F2: variants seen among roughly 807,000 people sequenced by gnomAD.
F2 encodes coagulation factor II, thrombin.
F2 carries 34 observed loss-of-function variants against 81.9 expected under a neutral mutation model. That is an observed-to-expected ratio of 0.42 (90% CI 0.32 to 0.55). F2 has a LOEUF of 0.55. F2 is among the 20% of genes least tolerant of loss of function. The pLI is 0.18. For synonymous variants in F2, 296 were observed against 326.4 expected (o/e 0.91, Z 1.01); for missense variants, 630 against 833.4 (o/e 0.76, Z 3.00).
intron 12 of F2, among the ~76,000 whole-genome samples, chr11:46,737,744 A>G (rs930046982): frequency 2.6e-5 from 4 of 151,542 alleles, no homozygotes; most frequent in Non-Finnish European, 5.9e-5. Flanking sequence ...GGCCAGGCCT[A>G]TTATTTTTCT....
In F2 at chr11:46,739,488, T is replaced by C; in HGVS notation, c.*80T>C. 1.9e-6 allele frequency: 3 copies of C among 1,582,554 alleles called. No individual in the cohort carries two copies. Among genetic ancestry groups the C allele is most frequent in the Non-Finnish European group, 2.6e-6 (3 of 1,157,852 alleles). The stretch of plus-strand genomic sequence containing the variant: ...GTGTTTCTAAAACTATGGTTCCCAA[T>C]AAAAGTGACTCTCAGCGAGCCTCAA... On this transcript the variant is annotated 3_prime_UTR_variant, in exon 14 of 14. Transcript: ENST00000311907.
intron 12 of F2, among the ~76,000 whole-genome samples, chr11:46,738,702 G>A (rs752549308): frequency 2.6e-5 from 4 of 152,200 alleles, no homozygotes; most frequent in African/African-American, 4.8e-5. Context: ...CTGAGCTCAA[G>A]TGATCCACCC....
At chr11:46,732,946 G>A (rs1294151211) in intron 12 of F2, among the ~76,000 whole-genome samples, 3 of 152,176 alleles carry the variant, frequency 2.0e-5, no homozygotes, top group Non-Finnish European at 4.4e-5. Flanking sequence ...AGATCTGGGT[G>A]CTGGCGTGTG....
chr11:46,724,530 A>G (rs2064859221), intron 6 of F2, among the ~76,000 whole-genome samples: 1 of 152,208 alleles, frequency 6.6e-6, no homozygotes, highest in South Asian at 2.1e-4. Flanking sequence ...TCTGTCCTGA[A>G]GGCCTGGCTC....
rs141678604 is a variant in F2 at position 46,726,017 on chromosome 11, G to A, written c.718G>A (p.Ala240Thr). The change falls in exon 7 of 14, where the codon GCA becomes ACA. Residue 240 changes from alanine (A) to threonine (T), a missense_variant. Transcript: ENST00000311907. This position sits in a 1 kb window ranked among gnomAD's most constrained non-coding sequence, Gnocchi z 5.9. Reference protein sequence around the residue: ...HGLPCLAWASAQAKALSKHQD... With the variant: ...HGLPCLAWASTQAKALSKHQD... ...GCTCCCCTGCCTGGCCTGGGCCAGCGCACAGGCCAAGGCCCTGAGCAAGCA... is the reference window on the plus strand; with the variant it reads ...GCTCCCCTGCCTGGCCTGGGCCAGCACACAGGCCAAGGCCCTGAGCAAGCA... 1.1e-5 allele frequency: 18 copies of A among 1,613,902 alleles called. No homozygotes were observed. The highest frequency in any genetic ancestry group is 4.5e-5 in the East Asian group (2 of 44,880).
At position 46,725,982 on chromosome 11, in the gene F2, C is replaced by G; in HGVS notation, c.683C>G (p.Thr228Ser). The change falls in exon 7 of 14, where the codon ACC (threonine) becomes AGC (serine). Residue 228 changes from threonine to serine, a missense_variant. By Grantham distance (58) the Thr-to-Ser change is moderately conservative. Coordinates refer to ENST00000311907, the MANE Select transcript of F2 (RefSeq NM_000506.5). ...CAGTACCAGGGGCGCCTGGCGGTGA[C>G]CACACATGGGCTCCCCTGCCTGGCC... is the stretch of plus-strand genomic sequence containing the variant. The part of the protein sequence containing the change: ...GQQYQGRLAV[T>S]THGLPCLAWA... 2 of 1,613,944 alleles carry G rather than the reference C, an allele frequency of 1.2e-6. No individual in the cohort carries two copies. Among genetic ancestry groups the G allele is most frequent in the Non-Finnish European group, 1.7e-6 (2 of 1,179,994 alleles).
chr11:46,734,735 T>C (rs537380562), intron 12 of F2, among the ~76,000 whole-genome samples: 1 of 152,152 alleles, frequency 6.6e-6, no homozygotes, highest in South Asian at 2.1e-4. Context: ...TGCTTGAACC[T>C]GGGAGGCGGA....
Position 46,719,321 on chromosome 11 carries a change from G to A in F2, c.79+7G>A, listed in dbSNP as rs3136431. ...CTTGTGCACAGCCAGCATGGTAAGG[G>A]AGTGCTTGCAGGCTGGAACAGGCTG... is the stretch of plus-strand genomic sequence containing the variant. On this transcript the variant is annotated splice_region_variant and intron_variant, in intron 1 of 13. Coordinates refer to ENST00000311907, the MANE Select transcript of F2 (RefSeq NM_000506.5). This position sits in a 1 kb window ranked among gnomAD's most constrained non-coding sequence, Gnocchi z 4.7. 6,386 of 1,611,490 alleles carry A rather than the reference G, an allele frequency of 4.0e-3. 212 individuals carry two copies. In the African/African-American group the frequency reaches 0.076, roughly 19 times the overall value.
chr11:46,737,514 C>T (rs1392013231), intron 12 of F2, among the ~76,000 whole-genome samples: 1 of 144,550 alleles, frequency 6.9e-6, no homozygotes, highest in Non-Finnish European at 1.5e-5. Flanking sequence ...GATCTCGGCT[C>T]ACTGAAAGCT....
At chr11:46,725,192 T>C (rs2064864228) in intron 6 of F2, among the ~76,000 whole-genome samples, 1 of 150,006 alleles carries the variant, frequency 6.7e-6, no homozygotes, top group African/African-American at 2.5e-5. Flanking sequence ...CCTCAGCCTC[T>C]CATATAGCTG....
At chr11:46,733,768 A>G (rs934429535) in intron 12 of F2, among the ~76,000 whole-genome samples, 1 of 148,400 alleles carries the variant, frequency 6.7e-6, no homozygotes, top group African/African-American at 2.5e-5. Context: ...ACATCGTATC[A>G]TATGATTAAG....
chr11:46,724,216 G>A (rs2064857566), intron 6 of F2, among the ~76,000 whole-genome samples: 1 of 152,170 alleles, frequency 6.6e-6, no homozygotes, highest in African/African-American at 2.4e-5. Flanking sequence ...TCCTTGGTGT[G>A]TTAAGTAGCT....
intron 12 of F2, among the ~76,000 whole-genome samples, chr11:46,736,776 G>A (rs1240458632): frequency 6.6e-6 from 1 of 152,158 alleles, no homozygotes; most frequent in Non-Finnish European, 1.5e-5. Context: ...TCTTTCCAGT[G>A]GTTTCCTGGC....
At chr11:46,725,269 A>T (rs1221840941) in intron 6 of F2, among the ~76,000 whole-genome samples, 1 of 151,376 alleles carries the variant, frequency 6.6e-6, no homozygotes, top group Non-Finnish European at 1.5e-5. Context: ...GGGTTTCTTC[A>T]TGTTGGCCTG....
chr11:46,721,458 A>G (rs2064836092), intron 4 of F2, among the ~76,000 whole-genome samples: 1 of 152,234 alleles, frequency 6.6e-6, no homozygotes, highest in South Asian at 2.1e-4. Context: ...TGAACCAAAC[A>G]GGAACCCAAA....
In F2 at chr11:46,719,919, A is replaced by G. The variant is rs2064825679; in HGVS notation, c.240+57A>G. On this transcript the variant is annotated intron_variant, in intron 2 of 13. Coordinates refer to ENST00000311907, the MANE Select transcript of F2 (RefSeq NM_000506.5). The surrounding 1 kb of genome is among the most constrained non-coding windows in gnomAD (Gnocchi z 4.7). ...CCTCAGACCGGGCCCAACTCTAGACACTTCCACAGAGAAGCAAGCGAGGAA... is the reference window on the plus strand; with the variant it reads ...CCTCAGACCGGGCCCAACTCTAGACGCTTCCACAGAGAAGCAAGCGAGGAA... The G allele has an allele frequency of 6.5e-7, 1 of 1,538,054 alleles. No individual in the cohort carries two copies. The highest frequency in any genetic ancestry group is 8.7e-7 in the Non-Finnish European group (1 of 1,144,358).
rs939954216 is a variant in F2 at position 46,720,375 on chromosome 11, A to G, written c.241-148A>G. The G allele has an allele frequency of 1.2e-5, 10 of 847,168 alleles. No homozygotes were observed. In the African/African-American group the frequency reaches 1.5e-4, roughly 13 times the overall value. 52.5% of individuals were successfully genotyped at this position (847,168 alleles called of 1,614,324 possible). ...CAAATATTCTTCTCCTTTTGGAAAC[A>G]AAAGTAGGAAACTCTGCCACAAACC... On this transcript the variant is annotated intron_variant, in intron 2 of 13. Coordinates refer to ENST00000311907, the MANE Select transcript of F2 (RefSeq NM_000506.5).
At chr11:46,724,311 C>A (rs3136456) in intron 6 of F2, among the ~76,000 whole-genome samples, 10,494 of 152,188 alleles carry the variant, frequency 0.069, 364 homozygotes, top group East Asian at 0.1. Flanking sequence ...CTCGCTAATG[C>A]GTCTGTAGGG....
chr11:46,719,509 C>A lies in F2; in HGVS notation c.80-193C>A. The A allele has an allele frequency of 1.1e-6, 1 of 934,734 alleles. No individual in the cohort carries two copies. The highest frequency in any genetic ancestry group is 1.6e-6 in the Non-Finnish European group (1 of 607,054). 57.9% of individuals were successfully genotyped at this position (934,734 alleles called of 1,614,324 possible). ...TGCTTCTCTCTTCCAATATAGGGAG[C>A]AGGCTGGGGGCAAGGGGCAGTGTAG... On this transcript the variant is annotated intron_variant, in intron 1 of 13. Coordinates refer to ENST00000311907, the MANE Select transcript of F2 (RefSeq NM_000506.5). The surrounding 1 kb of genome is among the most constrained non-coding windows in gnomAD (Gnocchi z 4.7).
Sources: gnomAD v4.1 joint callset for allele counts (sites outside exome capture counted in the v4.1 genomes callset) on GRCh38, gnomAD v4.1.1 for gene constraint, Gnocchi (gnomAD v3.1) non-coding constraint, MANE v1.5 for transcripts, NCBI Gene and HGNC (gene_info 2026-07-23, HGNC 2026-07-21) for gene names.